The following SLC25A21 variants were observed in gnomAD, a reference collection of about 807,000 sequenced individuals.
SLC25A21 encodes solute carrier family 25 member 21.
A neutral mutation model predicts 43.8 loss-of-function variants in SLC25A21; 47 were observed. The observed-to-expected ratio is 1.07, with a 90% confidence interval of 0.85 to 1.37. SLC25A21 has a LOEUF of 1.37. Among genes scored for constraint, SLC25A21 ranks in the 40% most tolerant of loss-of-function variants. The pLI is 0.00. For synonymous variants in SLC25A21, 131 were observed against 121.3 expected (o/e 1.08, Z -0.52); for missense variants, 352 against 350.2 (o/e 1.00, Z -0.04).
intron 1 of SLC25A21, among the ~76,000 whole-genome samples, chr14:37,116,128 T>C (rs1385925147): frequency 6.6e-6 from 1 of 152,082 alleles, no homozygotes. Flanking sequence ...TAAGCAAGAA[T>C]AGTCATAAAA....
intron 2 of SLC25A21, among the ~76,000 whole-genome samples, chr14:36,837,203 G>A (rs1334088304): frequency 1.3e-5 from 2 of 152,032 alleles, no homozygotes; most frequent in Non-Finnish European, 2.9e-5. Flanking sequence ...AGAAATTAAT[G>A]ACAGGTTTTG....
intron 6 of SLC25A21, among the ~76,000 whole-genome samples, chr14:36,713,023 G>A (rs192487850): frequency 1.3e-5 from 2 of 152,226 alleles, no homozygotes; most frequent in Admixed American, 6.5e-5. Flanking sequence ...GGAAGGAGAG[G>A]GCAGCTTTCC....
chr14:36,902,772 C>A (rs848696), intron 1 of SLC25A21, among the ~76,000 whole-genome samples: 3 of 151,390 alleles, frequency 2.0e-5, no homozygotes, highest in African/African-American at 7.3e-5. Flanking sequence ...CAAGGTGGGA[C>A]AATTGCTTGA....
chr14:36,942,246 G>C (rs1016072169), intron 1 of SLC25A21, among the ~76,000 whole-genome samples: 1 of 151,920 alleles, frequency 6.6e-6, no homozygotes, highest in Admixed American at 6.5e-5. Context: ...AGAAAGCCAA[G>C]TGTCCTGAGA....
At chr14:36,878,933 T>C (rs1206813069) in intron 1 of SLC25A21, among the ~76,000 whole-genome samples, 2 of 152,074 alleles carry the variant, frequency 1.3e-5, no homozygotes, top group Non-Finnish European at 2.9e-5. Context: ...CCACCAACCA[T>C]AGTAACACCT....
intron 3 of SLC25A21, among the ~76,000 whole-genome samples, chr14:36,786,743 T>C (rs1270169857): frequency 6.6e-6 from 1 of 152,130 alleles, no homozygotes; most frequent in Non-Finnish European, 1.5e-5. Context: ...TTAAGGACCA[T>C]CTAAGAAAGA....
At chr14:36,713,332 G>C (rs1256091623) in intron 6 of SLC25A21, among the ~76,000 whole-genome samples, 2 of 152,060 alleles carry the variant, frequency 1.3e-5, no homozygotes, top group African/African-American at 2.4e-5. Flanking sequence ...AATTTGGATA[G>C]CATCTTTCTC....
intron 1 of SLC25A21, among the ~76,000 whole-genome samples, chr14:36,894,039 A>G (rs1013300341): frequency 2.0e-5 from 3 of 152,220 alleles, no homozygotes; most frequent in African/African-American, 7.2e-5. Flanking sequence ...TTTTGGCTCC[A>G]TATGAACTTT....
chr14:36,711,256 A>G, intron 7 of SLC25A21, 62 bp downstream of exon 7: 1 of 1,481,214 alleles, frequency 6.8e-7, no homozygotes. Context: ...AACATTCTAC[A>G]AACGGAGCTA....
chr14:36,950,862 A>C (rs1892792840), intron 1 of SLC25A21, among the ~76,000 whole-genome samples: 1 of 152,256 alleles, frequency 6.6e-6, no homozygotes, highest in Non-Finnish European at 1.5e-5. Flanking sequence ...ACCTAGCTGA[A>C]GAAATGAGCC....
intron 1 of SLC25A21, among the ~76,000 whole-genome samples, chr14:37,169,156 C>A (rs571802164): frequency 2.0e-4 from 30 of 152,256 alleles, no homozygotes; most frequent in African/African-American, 7.0e-4. Context: ...CTCTTCTGTT[C>A]AGTGCTGACT....
intron 3 of SLC25A21, among the ~76,000 whole-genome samples, chr14:36,735,725 C>T (rs549605169): frequency 6.6e-6 from 1 of 152,008 alleles, no homozygotes; most frequent in African/African-American, 2.4e-5. Context: ...CTGCTTTACT[C>T]AATTCATGGG....
At chr14:36,770,887 A>T (rs2138356336) in intron 3 of SLC25A21, among the ~76,000 whole-genome samples, 1 of 152,268 alleles carries the variant, frequency 6.6e-6, no homozygotes, top group Non-Finnish European at 1.5e-5. Flanking sequence ...CTTTGTGCAT[A>T]TCTGTTTTAT....
intron 1 of SLC25A21, among the ~76,000 whole-genome samples, chr14:37,155,620 A>G (rs1248415928): frequency 6.6e-6 from 1 of 152,206 alleles, no homozygotes; most frequent in Non-Finnish European, 1.5e-5. Flanking sequence ...AGGCCAGAAG[A>G]GAATGGCATG....
intron 1 of SLC25A21, among the ~76,000 whole-genome samples, chr14:37,140,742 T>C (rs1298015484): frequency 6.6e-6 from 1 of 152,190 alleles, no homozygotes; most frequent in Non-Finnish European, 1.5e-5. Flanking sequence ...AAATATGTGG[T>C]ATGTTGAAAC....
intron 2 of SLC25A21, among the ~76,000 whole-genome samples, chr14:36,838,062 T>G (rs924600190): frequency 6.6e-6 from 1 of 152,300 alleles, no homozygotes; most frequent in South Asian, 2.1e-4. Context: ...ATGGTCATGG[T>G]CCTTGAATCT....
intron 2 of SLC25A21, among the ~76,000 whole-genome samples, chr14:36,856,699 C>T (rs956568216): frequency 4.6e-5 from 7 of 152,136 alleles, no homozygotes; most frequent in Non-Finnish European, 5.9e-5. Flanking sequence ...TAGCAGAGGC[C>T]GGCACGCAAG....
chr14:36,811,316 A>T (rs1888256527), intron 3 of SLC25A21, among the ~76,000 whole-genome samples: 1 of 152,198 alleles, frequency 6.6e-6, no homozygotes, highest in African/African-American at 2.4e-5. Flanking sequence ...TCAAAATGGA[A>T]AATTAGAGGG....
intron 7 of SLC25A21, among the ~76,000 whole-genome samples, chr14:36,692,678 A>G (rs1882841568): frequency 6.6e-6 from 1 of 152,174 alleles, no homozygotes; most frequent in Non-Finnish European, 1.5e-5. Flanking sequence ...GGAAGATGAG[A>G]AAGCAGGATT....
Sources: allele counts gnomAD v4.1 joint callset (sites outside exome capture counted in the v4.1 genomes callset), GRCh38; gene constraint gnomAD v4.1.1; transcripts MANE v1.5; gene names NCBI Gene and HGNC (gene_info 2026-07-23, HGNC 2026-07-21).